ZNF550: variants seen among roughly 807,000 people sequenced by gnomAD.
The protein encoded by ZNF550 is zinc finger protein 550.
Under a neutral mutation model 40.2 loss-of-function variants are expected in ZNF550, and 42 were observed. The ratio of observed to expected loss-of-function variants is 1.05; its 90% confidence interval spans 0.82 to 1.35. ZNF550 has a LOEUF of 1.35. Among genes scored for constraint, ZNF550 ranks in the 40% most tolerant of loss-of-function variants. ZNF550 has a pLI of 0.00. For missense variants in ZNF550, 549 were observed against 525.2 expected, an observed-to-expected ratio of 1.05 and a Z score of -0.44; for synonymous variants, 223 against 198.6, an observed-to-expected ratio of 1.12 and a Z score of -1.03.
intron 4 of ZNF550, chr19:57,546,364 G>T: frequency 1.7e-5 from 7 of 424,156 alleles, no homozygotes; most frequent in South Asian, 9.9e-5. Context: ...AAAAAAAAAG[G>T]AATAAAACCC....
At chr19:57,544,089 T>G (rs1274072228) in intron 4 of ZNF550, 1 of 985,348 alleles carries the variant, frequency 1.0e-6, no homozygotes, top group East Asian at 1.1e-4. Context: ...TGTTCTCATG[T>G]GTTTTTCCTA....
Position 57,552,726 on chromosome 19 carries a change from T to C in ZNF550, c.155-4A>G, listed in dbSNP as rs1194918345. The C allele has an allele frequency of 1.3e-6, 2 of 1,594,492 alleles. No individual in the cohort carries two copies. Among genetic ancestry groups the C allele is most frequent in the Non-Finnish European group, 1.7e-6 (2 of 1,176,744 alleles). ...TCTGGTTTGGGAACCCGATGCCCTG[T>C]TGATAGCAAAAGAAATAGAATAGGG... is the stretch of plus-strand genomic sequence containing the variant. On this transcript the variant is annotated splice_polypyrimidine_tract_variant and splice_region_variant and intron_variant, in intron 2 of 4. Transcript: ENST00000457177.
exon 4 of ZNF550, chr19:57,546,796 G>A (rs1355316017): frequency 2.9e-6 from 4 of 1,387,412 alleles, no homozygotes; most frequent in African/African-American, 1.4e-5. Flanking sequence ...TATTCACAGG[G>A]CTTCTCTCCA....
exon 1 of ZNF550, chr19:57,559,664 C>A (rs1319994865): frequency 1.3e-6 from 2 of 1,507,502 alleles, no homozygotes; most frequent in Non-Finnish European, 1.8e-6. Flanking sequence ...ACCTGCGCTG[C>A]GTCCTTCGTC....
intron 1 of ZNF550, chr19:57,557,283 G>A (rs1291796601): frequency 1.3e-5 from 2 of 152,020 alleles, no homozygotes; most frequent in African/African-American, 2.4e-5. Flanking sequence ...GGAGAAAGCC[G>A]CCTTATGGCT....
intron 2 of ZNF550, chr19:57,555,371 C>T (rs374097537): frequency 4.2e-4 from 64 of 152,306 alleles, no homozygotes; most frequent in African/African-American, 1.4e-3. Flanking sequence ...CGGAGTCTTG[C>T]TCAGTCACCC....
intron 4 of ZNF550, among the ~76,000 whole-genome samples, chr19:57,545,295 A>G (rs987724159): frequency 1.3e-5 from 2 of 152,186 alleles, no homozygotes; most frequent in Non-Finnish European, 2.9e-5. Flanking sequence ...AAGATCAGAC[A>G]ATGAGATTCC....
chr19:57,561,394 T>G (rs1444353026), upstream of ZNF550, among the ~76,000 whole-genome samples: 2 of 152,198 alleles, frequency 1.3e-5, no homozygotes, highest in Non-Finnish European at 2.9e-5. The surrounding 1 kb of genome is among the most constrained non-coding windows in gnomAD (Gnocchi z 4.9). Flanking sequence ...AGAAGTTTCC[T>G]TGACTCTGAA....
In ZNF550 at chr19:57,556,375, A is replaced by T. The variant is rs1358470798; in HGVS notation, c.28-18T>A. On this transcript the variant is annotated intron_variant, in intron 1 of 4. Transcript: ENST00000457177. ...ACCAACATCTGGAAAGTCAAACAGAAGTAATGCTATTGGCCTTGTGTTGTC... is the reference window on the plus strand; with the variant it reads ...ACCAACATCTGGAAAGTCAAACAGATGTAATGCTATTGGCCTTGTGTTGTC... 1 of 1,609,512 alleles carries T rather than the reference A, an allele frequency of 6.2e-7. No homozygotes were observed. The highest frequency in any genetic ancestry group is 8.5e-7 in the Non-Finnish European group (1 of 1,177,794).
chr19:57,552,724 T>C lies in ZNF550; in HGVS notation c.155-2A>G. 2.5e-6 allele frequency: 4 copies of C among 1,595,128 alleles called. No individual in the cohort carries two copies. In the South Asian group the frequency reaches 4.4e-5, roughly 18 times the overall value. ...ACTCTGGTTTGGGAACCCGATGCCC[T>C]GTTGATAGCAAAAGAAATAGAATAG... On this transcript the variant is annotated splice_acceptor_variant, in intron 2 of 4. Transcript: ENST00000457177. LOFTEE classifies it high-confidence loss of function.
At chr19:57,548,655 G>A (rs762759022) in intron 3 of ZNF550, among the ~76,000 whole-genome samples, 2 of 152,138 alleles carry the variant, frequency 1.3e-5, no homozygotes, top group Non-Finnish European at 1.5e-5. Context: ...AACTGCCATG[G>A]AGAACAATCT....
chr19:57,558,041 A>G (rs902031489), intron 1 of ZNF550, among the ~76,000 whole-genome samples: 1 of 152,248 alleles, frequency 6.6e-6, no homozygotes, highest in Non-Finnish European at 1.5e-5. Context: ...CACAGTCAGC[A>G]AAGGCTCAGG....
chr19:57,548,150 G>A (rs1032514311), intron 3 of ZNF550, among the ~76,000 whole-genome samples, 157 bp from the exon 4 acceptor site: 8 of 152,130 alleles, frequency 5.3e-5, no homozygotes, highest in East Asian at 1.9e-4. Context: ...TACTGCTTAC[G>A]GTCCTTGTAT....
exon 4 of ZNF550, chr19:57,546,493 T>C: frequency 1.0e-6 from 1 of 988,858 alleles, no homozygotes; most frequent in South Asian, 4.6e-5. Flanking sequence ...ATAGAGAAAA[T>C]CCCAAGGTGG....
chr19:57,555,280 A>G (rs2090109614), intron 2 of ZNF550: 1 of 152,222 alleles, frequency 6.6e-6, no homozygotes, highest in Non-Finnish European at 1.5e-5. Flanking sequence ...TCTGTTAAAA[A>G]AAAGAAATGA....
chr19:57,556,391 T>G, intron 1 of ZNF550, 34 bp from the exon 2 acceptor site: 1 of 1,597,868 alleles, frequency 6.3e-7, no homozygotes, highest in Non-Finnish European at 8.5e-7. Context: ...GCTATTGGCC[T>G]TGTGTTGTCG....
chr19:57,548,294 C>T (rs1178888046), intron 3 of ZNF550, among the ~76,000 whole-genome samples: 3 of 152,028 alleles, frequency 2.0e-5, no homozygotes, highest in South Asian at 4.2e-4. Context: ...GTCTGAAGGG[C>T]ATTTGCTTTA....
At chr19:57,555,806 TGCAGGCACCCA>T in intron 2 of ZNF550, 1 of 226,928 alleles carries the variant, frequency 4.4e-6, no homozygotes. Context: ...CTAATGACCA[TGCAGGCACCCA>T]GATGCCTTTT....
chr19:57,556,132 A>T, intron 2 of ZNF550, 99 bp downstream of exon 2: 3 of 1,496,430 alleles, frequency 2.0e-6, no homozygotes, highest in Non-Finnish European at 2.8e-6. Flanking sequence ...TGGGAACAGA[A>T]AGGTCTGTCA....
Sources: gnomAD v4.1 joint callset for allele counts (sites outside exome capture counted in the v4.1 genomes callset) on GRCh38, gnomAD v4.1.1 for gene constraint, Gnocchi (gnomAD v3.1) non-coding constraint, MANE v1.5 for transcripts, NCBI Gene and HGNC (gene_info 2026-07-23, HGNC 2026-07-21) for gene names.